ZNF718: variants seen among roughly 807,000 people sequenced by gnomAD.
The protein encoded by ZNF718 is zinc finger protein 718.
ZNF718 carries 3 observed loss-of-function variants against 2.6 expected under a neutral mutation model. The ratio of observed to expected loss-of-function variants is 1.16; its 90% CI spans 0.53 to 3.01. The LOEUF is 3.01. Among genes scored for constraint, ZNF718 ranks in the 30% most tolerant of loss-of-function variants. The probability of loss-of-function intolerance (pLI) is 0.03; values close to 1 mark genes in which losing one functional copy is unlikely to be tolerated. For synonymous variants in ZNF718, 135 were observed against 77.9 expected (o/e 1.73, Z -3.86); for missense variants, 468 against 230.0 (o/e 2.03, Z -6.69).
At chr4:134,741 G>T (rs111738223) in intron 3 of ZNF718, among the ~76,000 whole-genome samples, 139,747 of 151,492 alleles carry the variant, frequency 0.92, 64,557 homozygotes, top group East Asian at 0.99. Context: ...TTTCTTTTTT[G>T]TTTGTTTGTT....
intron 3 of ZNF718, among the ~76,000 whole-genome samples, chr4:200,294 G>A (rs1208449341): frequency 1.3e-5 from 2 of 152,158 alleles, no homozygotes. Flanking sequence ...ACAGAGTCAC[G>A]CACTGTAGCC....
At chr4:193,681 T>C (rs530043875) in intron 3 of ZNF718, among the ~76,000 whole-genome samples, 1 of 152,182 alleles carries the variant, frequency 6.6e-6, no homozygotes, top group African/African-American at 2.4e-5. Flanking sequence ...AGAGTAAGAC[T>C]GAGAAGGCTG....
chr4:202,240 C>T (rs892298066), exon 5 of ZNF718: 1 of 152,234 alleles, frequency 6.6e-6, no homozygotes, highest in African/African-American at 2.4e-5. Context: ...TGCCTTCTGA[C>T]ATGATTGAGA....
In ZNF718 at chr4:171,548, C is replaced by T. The variant is rs75157122; in HGVS notation, c.227-29533C>T. Among the ~76,000 whole-genome samples, 8 of 152,182 alleles carry T rather than the reference C, an allele frequency of 5.3e-5. No homozygotes were observed. The East Asian group carries it at 5.8e-4, about 11-fold the overall frequency. ...CCCCTCAAGCCTCGGCAATGGTGGGCGCCCCTCCCCCAGCCTCACTGCCGC... is the reference window on the plus strand; with the variant it reads ...CCCCTCAAGCCTCGGCAATGGTGGGTGCCCCTCCCCCAGCCTCACTGCCGC... On this transcript the variant is annotated intron_variant and NMD_transcript_variant, in intron 3 of 4. Transcript: ENST00000642529.
Position 163,658 on chromosome 4 carries a change from G to A in ZNF718, c.*1536G>A, listed in dbSNP as rs1332747397. 6.6e-6 allele frequency: 1 copy of A among 152,084 alleles called. No homozygotes were observed. Among genetic ancestry groups the A allele is most frequent in the South Asian group, 2.1e-4 (1 of 4,830 alleles). 9.4% of individuals were successfully genotyped at this position (152,084 alleles called of 1,614,324 possible). A position where few individuals can be genotyped will look rare whatever the true frequency, so the allele number is the denominator to read the frequency against. Reference sequence around the variant, plus strand: ...TTGCTTTTACCAGTTGCACATTTATGTAATAAAATACAGTAAATTTTAAAA... The same window carrying A: ...TTGCTTTTACCAGTTGCACATTTATATAATAAAATACAGTAAATTTTAAAA... On this transcript the variant is annotated 3_prime_UTR_variant, in exon 4 of 4. Coordinates refer to ENST00000510175, the MANE Select transcript of ZNF718 (RefSeq NM_001039127.6).
intron 3 of ZNF718, among the ~76,000 whole-genome samples, chr4:177,292 G>A (rs1375752283): frequency 6.6e-6 from 1 of 152,178 alleles, no homozygotes; most frequent in East Asian, 1.9e-4. Context: ...TATGACTGTA[G>A]TTCTCCAGAA....
At chr4:171,977 T>C (rs1347217483) in intron 3 of ZNF718, among the ~76,000 whole-genome samples, 2 of 152,208 alleles carry the variant, frequency 1.3e-5, no homozygotes, top group Admixed American at 1.3e-4. Context: ...TATTCGGCCA[T>C]CTTGGCTCCA....
chr4:166,310 A>G (rs1390659913), downstream of ZNF718, among the ~76,000 whole-genome samples: 3 of 152,186 alleles, frequency 2.0e-5, no homozygotes, highest in African/African-American at 7.2e-5. Flanking sequence ...CGATAAACAT[A>G]TGTGTGCATG....
chr4:169,022 G>A (rs1291291275), downstream of ZNF718, among the ~76,000 whole-genome samples: 3 of 152,100 alleles, frequency 2.0e-5, no homozygotes, highest in Non-Finnish European at 2.9e-5. Context: ...ACACTGCTTT[G>A]AATGTGTCCC....
downstream of ZNF718, among the ~76,000 whole-genome samples, chr4:168,036 A>G (rs1717130555): frequency 6.6e-6 from 1 of 152,100 alleles, no homozygotes; most frequent in African/African-American, 2.4e-5. Flanking sequence ...TCAATACCTA[A>G]TTTATTGAGA....
At chr4:186,504 A>G (rs1717568579) in intron 3 of ZNF718, among the ~76,000 whole-genome samples, 3 of 152,084 alleles carry the variant, frequency 2.0e-5, no homozygotes, top group Admixed American at 1.3e-4. Context: ...GGTTCTCTGC[A>G]TTTCCTGAAT....
intron 3 of ZNF718, among the ~76,000 whole-genome samples, chr4:174,777 C>G (rs1473990067): frequency 1.3e-5 from 2 of 152,164 alleles, no homozygotes; most frequent in East Asian, 3.8e-4. Context: ...AATAAATTAT[C>G]TCTTGATTTG....
Position 142,955 on chromosome 4 carries a change from G to C in ZNF718, c.226+11450G>C, listed in dbSNP as rs189937327. Among the ~76,000 whole-genome samples the C allele has an allele frequency of 8.5e-3, 1,294 of 152,246 alleles. 16 individuals are homozygous for C. The highest frequency in any genetic ancestry group is 0.061 in the Middle Eastern group (18 of 294). Reference sequence around the variant, plus strand: ...AATAGTCATAATAATAGTCTCCCTTGTGTGCTGTATTCTCTCAAAGGTTTT... The same window carrying C: ...AATAGTCATAATAATAGTCTCCCTTCTGTGCTGTATTCTCTCAAAGGTTTT... On this transcript the variant is annotated intron_variant, in intron 3 of 3. Coordinates refer to ENST00000510175, the MANE Select transcript of ZNF718 (RefSeq NM_001039127.6).
At position 182,669 on chromosome 4, in the gene ZNF718, G is replaced by A. The variant is rs143063183; in HGVS notation, c.227-18412G>A. Among the ~76,000 whole-genome samples the A allele has an allele frequency of 4.7e-3, 715 of 152,144 alleles. 5 individuals are homozygous for A. Among genetic ancestry groups the A allele is most frequent in the African/African-American group, 0.016 (672 of 41,518 alleles). ...GCTGGTGTTGAACTCTTCACCTCAAGTGATCCGCCCACCTCAGCCTCCCAA... is the reference window on the plus strand; with the variant it reads ...GCTGGTGTTGAACTCTTCACCTCAAATGATCCGCCCACCTCAGCCTCCCAA... On this transcript the variant is annotated intron_variant and NMD_transcript_variant, in intron 3 of 4. Coordinates refer to the ZNF718 transcript ENST00000642529.
chr4:193,226 G>A (rs1225190840), intron 3 of ZNF718, among the ~76,000 whole-genome samples: 4 of 151,966 alleles, frequency 2.6e-5, no homozygotes, highest in African/African-American at 7.3e-5. Context: ...ATATCTGCTT[G>A]GCAATTCCCT....
chr4:193,407 T>C (rs1717731229), intron 3 of ZNF718, among the ~76,000 whole-genome samples: 2 of 152,170 alleles, frequency 1.3e-5, no homozygotes, highest in Admixed American at 1.3e-4. Flanking sequence ...TGTGTGGGCA[T>C]GGAGGACTAG....
At chr4:181,225 C>G (rs1394541813) in intron 3 of ZNF718, among the ~76,000 whole-genome samples, 1 of 130,758 alleles carries the variant, frequency 7.6e-6, no homozygotes, top group Non-Finnish European at 1.6e-5. Flanking sequence ...AGGGTGGTCT[C>G]AAACTCCTGG....
At chr4:143,913 AC>A (rs1443131844) in intron 3 of ZNF718, among the ~76,000 whole-genome samples, 1 of 150,624 alleles carries the variant, frequency 6.6e-6, no homozygotes, top group East Asian at 1.9e-4. Context: ...AAGACCGTTG[AC>A]CCCCCCGTCT....
At chr4:189,766 C>T (rs557494650) in intron 3 of ZNF718, among the ~76,000 whole-genome samples, 5 of 152,268 alleles carry the variant, frequency 3.3e-5, no homozygotes, top group African/African-American at 1.2e-4. Flanking sequence ...ATTTTTTATA[C>T]ATGCTTTCTA....
Sources: allele counts gnomAD v4.1 joint callset (sites outside exome capture counted in the v4.1 genomes callset), GRCh38; gene constraint gnomAD v4.1.1; transcripts MANE v1.5; gene names NCBI Gene and HGNC (gene_info 2026-07-23, HGNC 2026-07-21).